Variants in TMEM231 observed in about 807,000 individuals in gnomAD.
The protein encoded by TMEM231 is transmembrane protein 231.
Under a neutral mutation model 38.5 loss-of-function variants are expected in TMEM231, and 40 were observed. That is an observed-to-expected ratio of 1.04 (90% CI 0.81 to 1.35). TMEM231 has a LOEUF of 1.35. Among genes scored for constraint, TMEM231 ranks in the 40% most tolerant of loss-of-function variants. The pLI is 0.00. For synonymous variants in TMEM231, 199 were observed against 181.7 expected, an observed-to-expected ratio of 1.10 and a Z score of -0.77; for missense variants, 420 against 416.9, an observed-to-expected ratio of 1.01 and a Z score of -0.07.
At chr16:75,543,224 G>C (rs1171426432) in intron 4 of TMEM231, among the ~76,000 whole-genome samples, 2 of 151,366 alleles carry the variant, frequency 1.3e-5, no homozygotes, top group Admixed American at 6.6e-5. Context: ...CTACACTCCA[G>C]TTTAGGAAAC....
chr16:75,541,214 C>A, intron 6 of TMEM231, 136 bp downstream of exon 6: 1 of 380,754 alleles, frequency 2.6e-6, no homozygotes, highest in Non-Finnish European at 4.7e-6. Context: ...GAGACAGGGA[C>A]TCACTATCTT....
At chr16:75,553,377 G>T (rs973869908) in intron 2 of TMEM231, among the ~76,000 whole-genome samples, 3 of 152,144 alleles carry the variant, frequency 2.0e-5, no homozygotes, top group Non-Finnish European at 4.4e-5. Flanking sequence ...CCAGCTCTTT[G>T]AAAGGCTGAG....
chr16:75,551,434 C>G (rs74489347), intron 2 of TMEM231, among the ~76,000 whole-genome samples: 1,835 of 151,864 alleles, frequency 0.012, 41 homozygotes, highest in African/African-American at 0.041. Context: ...GCTCAAGGGG[C>G]TAGCCTCCCA....
chr16:75,555,897 C>A lies in TMEM231; in HGVS notation c.216G>T (p.Leu72=), dbSNP rs751840699. The change falls in exon 2 of 7, where the codon CTG becomes CTT. Residue 72 remains leucine (L), a synonymous_variant. Coordinates refer to ENST00000258173, the MANE Select transcript of TMEM231 (RefSeq NM_001077418.3). ...GGAACCCGTCGCTTTCGGGTCCGAG[C>A]AGGGCCACGAGCAGCACCTGGTGTT... The part of the protein sequence containing the change: ...RFQHQVLLVA[L]LGPESDGFLA... 5.3e-5 allele frequency: 85 copies of A among 1,598,600 alleles called. No individual in the cohort carries two copies. The highest frequency in any genetic ancestry group is 4.6e-5 in the Non-Finnish European group (54 of 1,173,248).
At chr16:75,542,808 AT>A (rs2080642720) in intron 4 of TMEM231, 125 bp from the exon 5 acceptor site, 1 of 694,128 alleles carries the variant, frequency 1.4e-6, no homozygotes, top group Non-Finnish European at 2.4e-6. Flanking sequence ...CTACTGCAGT[AT>A]CAATAATCTT....
At chr16:75,549,999 G>A (rs961359812) in intron 2 of TMEM231, among the ~76,000 whole-genome samples, 6 of 152,100 alleles carry the variant, frequency 3.9e-5, no homozygotes, top group Non-Finnish European at 8.8e-5. Context: ...ATGAGCCACC[G>A]CACCTGGCCA....
intron 2 of TMEM231, among the ~76,000 whole-genome samples, chr16:75,552,288 T>C (rs1364055769): frequency 1.3e-5 from 2 of 152,006 alleles, no homozygotes; most frequent in Non-Finnish European, 2.9e-5. Flanking sequence ...ACCTCATCTA[T>C]ACTAAAAATA....
intron 5 of TMEM231, 93 bp downstream of exon 5, chr16:75,542,509 C>A: frequency 9.2e-7 from 1 of 1,087,906 alleles, no homozygotes; most frequent in South Asian, 1.3e-5. Flanking sequence ...TTGACATTTT[C>A]ATCACAAGGG....
intron 4 of TMEM231, among the ~76,000 whole-genome samples, chr16:75,544,422 G>A (rs554634241): frequency 6.6e-6 from 1 of 152,104 alleles, no homozygotes; most frequent in African/African-American, 2.4e-5. Flanking sequence ...AAAAGCAAAA[G>A]CCCTGAGGTG....
chr16:75,546,068 A>T, intron 2 of TMEM231, 114 bp from the exon 3 acceptor site: 1 of 1,550,564 alleles, frequency 6.4e-7, no homozygotes, highest in South Asian at 1.2e-5. Flanking sequence ...AACAGGCATT[A>T]TCTCCTCCAC....
At chr16:75,541,506 G>T in intron 5 of TMEM231, 51 bp from the exon 6 acceptor site, 4 of 1,245,134 alleles carry the variant, frequency 3.2e-6, no homozygotes, top group Non-Finnish European at 3.4e-6. Flanking sequence ...GACTCTGGCA[G>T]TTGAAGGCTA....
intron 2 of TMEM231, among the ~76,000 whole-genome samples, chr16:75,548,009 A>G (rs2080714346): frequency 6.6e-6 from 1 of 152,122 alleles, no homozygotes; most frequent in Admixed American, 6.6e-5. Context: ...TGGGAGGGGG[A>G]AAAGCTCATT....
At chr16:75,541,576 G>A in intron 5 of TMEM231, 121 bp from the exon 6 acceptor site, 1 of 545,606 alleles carries the variant, frequency 1.8e-6, no homozygotes, top group Admixed American at 4.0e-5. Flanking sequence ...AAATCATTCG[G>A]AAGGAAAGAG....
intron 4 of TMEM231, 108 bp from the exon 5 acceptor site, chr16:75,542,791 T>C (rs1297983072): frequency 2.3e-6 from 2 of 853,724 alleles, no homozygotes; most frequent in Non-Finnish European, 3.8e-6. Flanking sequence ...CTCTTGTTCT[T>C]GGTGGCCTAC....
intron 2 of TMEM231, among the ~76,000 whole-genome samples, chr16:75,550,041 C>T (rs546323485): frequency 6.4e-4 from 98 of 152,224 alleles, no homozygotes; most frequent in Middle Eastern, 3.4e-3. Flanking sequence ...TAAATAGTCC[C>T]ATAGGTATTA....
chr16:75,551,735 G>A (rs770473641), intron 2 of TMEM231, among the ~76,000 whole-genome samples: 8 of 152,110 alleles, frequency 5.3e-5, no homozygotes, highest in East Asian at 1.9e-4. Flanking sequence ...GCCGAGGTGG[G>A]TGGATCACCT....
intron 2 of TMEM231, among the ~76,000 whole-genome samples, chr16:75,550,909 G>A (rs958727956): frequency 4.6e-5 from 7 of 152,010 alleles, no homozygotes; most frequent in East Asian, 1.9e-4. Context: ...TAGAGACGGG[G>A]TTTCACCATG....
At position 75,545,877 on chromosome 16, in the gene TMEM231, C is replaced by T. The variant is rs774761408; in HGVS notation, c.387G>A (p.Thr129=). 1.8e-5 allele frequency: 27 copies of T among 1,460,878 alleles called. No individual in the cohort carries two copies. Among genetic ancestry groups the T allele is most frequent in the Admixed American group, 2.2e-5 (1 of 45,084 alleles). 90.5% of individuals were successfully genotyped at this position (1,460,878 alleles called of 1,614,324 possible). ...HFKLELPLQS[T]EHVLGVQLIL... is the part of the protein sequence containing the mutation. ...TGAGCTGCACACCGAGAACGTGCTCCGTGGACTGCAGGGGAAGCTCCAGCT... is the reference window on the plus strand; with the variant it reads ...TGAGCTGCACACCGAGAACGTGCTCTGTGGACTGCAGGGGAAGCTCCAGCT... The change falls in exon 3 of 7, where the codon ACG becomes ACA. Residue 129 remains threonine (T), a synonymous_variant. Transcript: ENST00000258173.
intron 4 of TMEM231, among the ~76,000 whole-genome samples, chr16:75,543,375 T>C (rs1413407858): frequency 6.6e-6 from 1 of 152,196 alleles, no homozygotes; most frequent in Non-Finnish European, 1.5e-5. Flanking sequence ...GAGACCAGTC[T>C]GGCCAACATG....
Sources: allele counts gnomAD v4.1 joint callset (sites outside exome capture counted in the v4.1 genomes callset), GRCh38; gene constraint gnomAD v4.1.1; transcripts MANE v1.5; gene names NCBI Gene and HGNC (gene_info 2026-07-23, HGNC 2026-07-21).